GINS3: variants seen among roughly 807,000 people sequenced by gnomAD.
The protein encoded by GINS3 is DNA replication complex GINS protein PSF3.
A neutral mutation model predicts 20.0 loss-of-function variants in GINS3; 18 were observed. The ratio of observed to expected loss-of-function variants is 0.90; its 90% confidence interval spans 0.62 to 1.33. The LOEUF is 1.33. Ranked by LOEUF, GINS3 falls within the 40% of genes most tolerant of loss-of-function variation. GINS3 has a pLI of 0.00. For synonymous variants in GINS3, 109 were observed against 107.0 expected, an observed-to-expected ratio of 1.02 and a Z score of -0.12; for missense variants, 254 against 273.6, an observed-to-expected ratio of 0.93 and a Z score of 0.51.
intron 1 of GINS3, among the ~76,000 whole-genome samples, chr16:58,401,592 C>T (rs1256895608): frequency 6.6e-6 from 1 of 152,308 alleles, no homozygotes; most frequent in East Asian, 1.9e-4. Flanking sequence ...TGTTTACAAA[C>T]CTTTAGCTAG....
intron 1 of GINS3, among the ~76,000 whole-genome samples, chr16:58,394,537 A>T (rs1965822716): frequency 1.3e-5 from 2 of 151,958 alleles, no homozygotes. Context: ...AGTAGAGATG[A>T]GGTTTCACCA....
intron 1 of GINS3, among the ~76,000 whole-genome samples, chr16:58,400,660 A>G (rs910901367): frequency 1.3e-5 from 2 of 152,138 alleles, no homozygotes; most frequent in African/African-American, 4.8e-5. Context: ...TACTTTCTCT[A>G]TGGAAATGCC....
intron 1 of GINS3, among the ~76,000 whole-genome samples, chr16:58,400,488 G>T (rs141444549): frequency 6.6e-6 from 1 of 152,306 alleles, no homozygotes; most frequent in Non-Finnish European, 1.5e-5. Context: ...TGTTCAACAT[G>T]AATCACATTG....
intron 1 of GINS3, chr16:58,395,034 G>A: frequency 2.0e-6 from 1 of 496,096 alleles, no homozygotes; most frequent in Non-Finnish European, 3.5e-6. Flanking sequence ...TGTTAGTTTT[G>A]GTATATTTGG....
chr16:58,392,722 C>CCT lies in GINS3; in HGVS notation c.123_124dup (p.Arg42LeufsTer125). 1 of 1,614,172 alleles carries CCT rather than the reference C, an allele frequency of 6.2e-7. No individual in the cohort carries two copies. The highest frequency in any genetic ancestry group is 8.5e-7 in the Non-Finnish European group (1 of 1,180,032). On this transcript the variant is annotated frameshift_variant, in exon 1 of 3. Coordinates refer to ENST00000318129, the MANE Select transcript of GINS3 (RefSeq NM_022770.4). LOFTEE classifies it high-confidence loss of function. The stretch of plus-strand genomic sequence containing the variant: ...GCCGGTGCGCACGGAGACCGCCATG[C>CCT]CTCGCCTTGGCGCTTTCTTCCTGGA...
rs1285642081 is a variant in GINS3 at position 58,405,128 on chromosome 16, G to A, written c.*399G>A. 6.9e-5 allele frequency: 13 copies of A among 188,998 alleles called. No homozygotes were observed. Among genetic ancestry groups the A allele is most frequent in the South Asian group, 3.3e-4 (3 of 8,964 alleles). The allele number at this position is 188,998 out of a possible 1,614,324, so 11.7% of individuals were successfully genotyped here. The stretch of plus-strand genomic sequence containing the variant: ...AAGCACAGGTACAAACTGGGTCATC[G>A]CCTGTTCACAAAATGCTCTCTTGAT... On this transcript the variant is annotated 3_prime_UTR_variant, in exon 3 of 3. Coordinates refer to ENST00000318129, the MANE Select transcript of GINS3 (RefSeq NM_022770.4).
chr16:58,396,409 T>C (rs1965859950), intron 1 of GINS3, among the ~76,000 whole-genome samples: 1 of 116,196 alleles, frequency 8.6e-6, no homozygotes, highest in Non-Finnish European at 1.8e-5. Flanking sequence ...CCCACCTCCC[T>C]CCCGGACGGG....
chr16:58,396,016 C>G (rs1965850525), intron 1 of GINS3, among the ~76,000 whole-genome samples: 1 of 148,954 alleles, frequency 6.7e-6, no homozygotes, highest in African/African-American at 2.5e-5. Context: ...AGGGGCTCCT[C>G]ACTTTCCAGT....
At position 58,404,506 on chromosome 16, in the gene GINS3, T is replaced by C. The variant is rs1269373822; in HGVS notation, c.428T>C (p.Ile143Thr). The C allele has an allele frequency of 6.2e-7, 1 of 1,613,652 alleles. No homozygotes were observed. Among genetic ancestry groups the C allele is most frequent in the South Asian group, 1.1e-5 (1 of 91,048 alleles). The change falls in exon 3 of 3, where the codon ATC (isoleucine) becomes ACC (threonine). Residue 143 changes from isoleucine (I) to threonine (T), a missense_variant. Ile to Thr is a moderately conservative substitution (Grantham distance 89, BLOSUM62 -1). Transcript: ENST00000318129. ...TACTCCCTTGTTTCCCAGACTTTTATCGGACGTTTTCGCCGCATCATGGAC... is the reference window on the plus strand; with the variant it reads ...TACTCCCTTGTTTCCCAGACTTTTACCGGACGTTTTCGCCGCATCATGGAC... ...DISQSLLQTF[I>T]GRFRRIMDSS...
intron 1 of GINS3, among the ~76,000 whole-genome samples, chr16:58,396,359 C>T (rs1256063281): frequency 7.8e-6 from 1 of 128,340 alleles, no homozygotes; most frequent in Non-Finnish European, 1.7e-5. Flanking sequence ...CGCCCCTCAC[C>T]TCCCGGATGG....
chr16:58,397,832 G>A (rs867614642), intron 1 of GINS3, among the ~76,000 whole-genome samples: 4 of 152,122 alleles, frequency 2.6e-5, no homozygotes, highest in Non-Finnish European at 4.4e-5. Context: ...GGGAGAGGGA[G>A]AGGGAAAGGG....
At chr16:58,401,048 C>A (rs1269813100) in intron 1 of GINS3, among the ~76,000 whole-genome samples, 1 of 151,920 alleles carries the variant, frequency 6.6e-6, no homozygotes, top group Non-Finnish European at 1.5e-5. Context: ...CCCCTGAGCC[C>A]ATGTGATTTG....
chr16:58,396,810 G>C lies in GINS3; in HGVS notation c.186+4023G>C, dbSNP rs1166623570. Among the ~76,000 whole-genome samples the C allele has an allele frequency of 6.1e-5, 8 of 131,460 alleles. No homozygotes were observed. In the East Asian group the frequency reaches 1.9e-3, roughly 32 times the overall value. 86.2% of individuals were successfully genotyped at this position (131,460 alleles called of 152,430 possible). ...GGACAGGGCGGCTGGCCGGGCAGAGGGGCTCCTCACTTCCCAGTAGGGGCG... is the reference window on the plus strand; with the variant it reads ...GGACAGGGCGGCTGGCCGGGCAGAGCGGCTCCTCACTTCCCAGTAGGGGCG... On this transcript the variant is annotated intron_variant, in intron 1 of 2. Transcript: ENST00000318129.
At chr16:58,402,800 G>T in intron 1 of GINS3, 1 of 442,508 alleles carries the variant, frequency 2.3e-6, no homozygotes, top group Non-Finnish European at 4.1e-6. Context: ...CTATAGCTCT[G>T]AAGTGTCTAC....
chr16:58,395,668 G>T (rs1156675299), intron 1 of GINS3, among the ~76,000 whole-genome samples: 6 of 152,246 alleles, frequency 3.9e-5, no homozygotes, highest in Non-Finnish European at 5.9e-5. Flanking sequence ...AGATCAACAG[G>T]ATCCCAAGGC....
chr16:58,396,363 C>A (rs1206619434), intron 1 of GINS3, among the ~76,000 whole-genome samples: 3 of 128,114 alleles, frequency 2.3e-5, no homozygotes, highest in Admixed American at 1.4e-4. Flanking sequence ...CCTCACCTCC[C>A]GGATGGGGCG....
chr16:58,400,764 A>G (rs1410787095), intron 1 of GINS3, among the ~76,000 whole-genome samples: 1 of 149,056 alleles, frequency 6.7e-6, no homozygotes, highest in Non-Finnish European at 1.5e-5. Flanking sequence ...AAAAAATTCC[A>G]TTTCCATTGT....
At position 58,403,208 on chromosome 16, in the gene GINS3, G is replaced by A; in HGVS notation, c.297G>A (p.Val99=). The A allele has an allele frequency of 6.2e-7, 1 of 1,614,172 alleles. No individual in the cohort carries two copies. The highest frequency in any genetic ancestry group is 8.5e-7 in the Non-Finnish European group (1 of 1,180,040). The change falls in exon 2 of 3, where the codon GTG becomes GTA. Residue 99 remains valine (V), a synonymous_variant. Coordinates refer to ENST00000318129, the MANE Select transcript of GINS3 (RefSeq NM_022770.4). ...TCTACCAAGAGGGTTGGAGGACTGT[G>A]TTCAGTGCAGATCCCAATGTGGTGG... The part of the protein sequence containing the change: ...PKIYQEGWRT[V]FSADPNVVDL...
chr16:58,397,065 G>A (rs1287760023), intron 1 of GINS3, among the ~76,000 whole-genome samples: 4 of 151,168 alleles, frequency 2.6e-5, no homozygotes, highest in Admixed American at 2.6e-4. Flanking sequence ...CGGGCGGGGG[G>A]CTGACCCCCA....
Sources: allele counts gnomAD v4.1 joint callset (sites outside exome capture counted in the v4.1 genomes callset), GRCh38; gene constraint gnomAD v4.1.1; transcripts MANE v1.5; gene names NCBI Gene and HGNC (gene_info 2026-07-23, HGNC 2026-07-21).